The following PIK3CB variants were observed in gnomAD, a reference collection of about 807,000 sequenced individuals.
The protein encoded by PIK3CB is phosphatidylinositol-4,5-bisphosphate 3-kinase catalytic subunit beta.
In PIK3CB, 39 loss-of-function variants were observed where a neutral mutation model predicts 136.8. That is an observed-to-expected ratio of 0.29 (90% confidence interval 0.22 to 0.37). The LOEUF is 0.37. PIK3CB is among the 10% of genes least tolerant of loss of function. The pLI, the probability that PIK3CB is intolerant of heterozygous loss-of-function variation, is 1.00. For synonymous variants in PIK3CB, 428 were observed against 436.6 expected, an observed-to-expected ratio of 0.98 and a Z score of 0.25; for missense variants, 868 against 1,275.4, an observed-to-expected ratio of 0.68 and a Z score of 4.87.
chr3:138,708,730 C>A (rs768813428), intron 10 of PIK3CB, among the ~76,000 whole-genome samples: 1 of 151,642 alleles, frequency 6.6e-6, no homozygotes, highest in Non-Finnish European at 1.5e-5. Context: ...GGCACACACA[C>A]ACCACTGCAC....
At chr3:138,760,858 AAT>A (rs1170166011) in intron 2 of PIK3CB, among the ~76,000 whole-genome samples, 1 of 152,158 alleles carries the variant, frequency 6.6e-6, no homozygotes, top group East Asian at 1.9e-4. Flanking sequence ...ATTGAGCTAA[AAT>A]AGTACCACTG....
At chr3:138,727,366 G>C (rs1000533438) in intron 8 of PIK3CB, among the ~76,000 whole-genome samples, 1 of 152,220 alleles carries the variant, frequency 6.6e-6, no homozygotes, top group Non-Finnish European at 1.5e-5. Flanking sequence ...ACCCTTAAAA[G>C]ACACTCAGCT....
chr3:138,826,927 G>A (rs1021841425), intron 1 of PIK3CB, among the ~76,000 whole-genome samples: 1 of 152,084 alleles, frequency 6.6e-6, no homozygotes, highest in Admixed American at 6.6e-5. Flanking sequence ...AAATTAGCTG[G>A]GCGTGGTTGT....
intron 8 of PIK3CB, among the ~76,000 whole-genome samples, chr3:138,720,297 T>C (rs1030973765): frequency 6.6e-6 from 1 of 152,164 alleles, no homozygotes; most frequent in African/African-American, 2.4e-5. Context: ...TTCCAACCAC[T>C]TCCCACCCTG....
intron 11 of PIK3CB, among the ~76,000 whole-genome samples, chr3:138,705,794 C>T (rs1189086528): frequency 6.6e-6 from 1 of 152,120 alleles, no homozygotes; most frequent in African/African-American, 2.4e-5. Context: ...TCTCTGTTGC[C>T]CAGGCTGGAG....
At chr3:138,664,431 C>G (rs1010611094) in intron 20 of PIK3CB, among the ~76,000 whole-genome samples, 1 of 151,912 alleles carries the variant, frequency 6.6e-6, no homozygotes, top group Non-Finnish European at 1.5e-5. Flanking sequence ...CAGTTTCAAA[C>G]ATTTAAGTCA....
intron 1 of PIK3CB, among the ~76,000 whole-genome samples, chr3:138,819,745 C>T (rs777711430): frequency 1.6e-4 from 25 of 152,068 alleles, no homozygotes; most frequent in Non-Finnish European, 2.5e-4. Context: ...GAGGCCAAGG[C>T]GGGCAGATCA....
intron 18 of PIK3CB, 114 bp from the exon 19 acceptor site, chr3:138,682,159 AT>A (rs2043795642): frequency 1.7e-6 from 1 of 605,502 alleles, no homozygotes; most frequent in African/African-American, 1.9e-5. Context: ...CTGTGCTAAT[AT>A]TTTCACTAAT....
At position 138,825,721 on chromosome 3, in the gene PIK3CB, G is replaced by A. The variant is rs1382454769; in HGVS notation, c.-122+8974C>T. 3 of 675,812 alleles carry A rather than the reference G, an allele frequency of 4.4e-6. No homozygotes were observed. In the African/African-American group the frequency reaches 5.4e-5, roughly 12 times the overall value. 41.9% of individuals were successfully genotyped at this position (675,812 alleles called of 1,614,324 possible). On this transcript the variant is annotated intron_variant, in intron 1 of 23. Coordinates refer to ENST00000674063, the MANE Select transcript of PIK3CB (RefSeq NM_006219.3). ...GGATGTCTACAAAACTGGTGATATT[G>A]GTACTGTGCCTATAGGCCAAGTGGA...
At chr3:138,736,674 T>C (rs2045112745) in intron 6 of PIK3CB, among the ~76,000 whole-genome samples, 1 of 152,156 alleles carries the variant, frequency 6.6e-6, no homozygotes, top group Non-Finnish European at 1.5e-5. Context: ...TAAACTCCAC[T>C]TTACTCCAAA....
At chr3:138,734,126 C>T (rs1025302141) in intron 7 of PIK3CB, among the ~76,000 whole-genome samples, 4 of 151,992 alleles carry the variant, frequency 2.6e-5, no homozygotes, top group Non-Finnish European at 1.5e-5. Context: ...ATTAACTGTT[C>T]AAATAAAGAC....
chr3:138,772,249 G>A (rs924929242), intron 2 of PIK3CB, among the ~76,000 whole-genome samples: 5 of 151,904 alleles, frequency 3.3e-5, no homozygotes, highest in African/African-American at 4.8e-5. Context: ...CCTAATGCGC[G>A]GCAATTAAGG....
chr3:138,830,619 A>G (rs1315111397), intron 1 of PIK3CB, among the ~76,000 whole-genome samples: 1 of 151,442 alleles, frequency 6.6e-6, no homozygotes, highest in Non-Finnish European at 1.5e-5. Context: ...ATAATAAAGC[A>G]GGGGCCGGAG....
rs372468230 is a variant in PIK3CB, at chr3:138,737,644, AATATAT to A, written c.801+57_801+62del. On this transcript the variant is annotated intron_variant, in intron 6 of 23. Transcript: ENST00000674063. ...AACACATTTTTAAAGTCAGAAATAAAATATATATATATATATATATACTCATAGACT... is the reference window on the plus strand; with the variant it reads ...AACACATTTTTAAAGTCAGAAATAAAATATATATATATATACTCATAGACT... 542 of 462,788 alleles carry A rather than the reference AATATAT, an allele frequency of 1.2e-3. 4 individuals carry two copies. The highest frequency in any genetic ancestry group is 0.01 in the African/African-American group (475 of 46,848). The allele number at this position is 462,788 out of a possible 1,614,324, so 28.7% of individuals were successfully genotyped here. A position where few individuals can be genotyped will look rare whatever the true frequency, so the allele number is the denominator to read the frequency against.
intron 1 of PIK3CB, among the ~76,000 whole-genome samples, chr3:138,798,427 T>G (rs2046133534): frequency 6.6e-6 from 1 of 152,188 alleles, no homozygotes; most frequent in Non-Finnish European, 1.5e-5. Context: ...CCTCCCAAAG[T>G]GCTGGGATTA....
At chr3:138,658,808 A>G (rs932051527) in intron 21 of PIK3CB, among the ~76,000 whole-genome samples, 3 of 152,188 alleles carry the variant, frequency 2.0e-5, no homozygotes, top group Admixed American at 2.0e-4. Flanking sequence ...TTAGTGTTCT[A>G]TGACCTTAGC....
chr3:138,764,452 A>G (rs1388273161), intron 2 of PIK3CB, among the ~76,000 whole-genome samples: 3 of 152,086 alleles, frequency 2.0e-5, no homozygotes, highest in African/African-American at 7.2e-5. Context: ...TATGTCTCAA[A>G]AAGTAAAATA....
At chr3:138,738,014 A>G in intron 5 of PIK3CB, 128 bp from the exon 6 acceptor site, 2 of 454,516 alleles carry the variant, frequency 4.4e-6, no homozygotes, top group Non-Finnish European at 7.6e-6. Flanking sequence ...TCCTTAACAA[A>G]TTTTATATGG....
intron 2 of PIK3CB, among the ~76,000 whole-genome samples, chr3:138,766,671 C>A (rs1386665105): frequency 6.6e-6 from 1 of 152,154 alleles, no homozygotes; most frequent in Non-Finnish European, 1.5e-5. Context: ...AATCAATTCC[C>A]CTATCTACAA....
Sources: gnomAD v4.1 joint callset for allele counts (sites outside exome capture counted in the v4.1 genomes callset) on GRCh38, gnomAD v4.1.1 for gene constraint, MANE v1.5 for transcripts, NCBI Gene and HGNC (gene_info 2026-07-23, HGNC 2026-07-21) for gene names.